The following AGBL1 variants were observed in gnomAD, a reference collection of about 807,000 sequenced individuals.
The protein encoded by AGBL1 is cytosolic carboxypeptidase 4.
A neutral mutation model predicts 118.9 loss-of-function variants in AGBL1; 130 were observed. The ratio of observed to expected loss-of-function variants is 1.09; its 90% CI spans 0.95 to 1.26. The LOEUF (loss-of-function observed/expected upper bound fraction) is 1.26, where lower values mean the gene tolerates loss of function less well. Among genes scored for constraint, AGBL1 ranks in the 50% most tolerant of loss-of-function variants. The pLI, the probability that AGBL1 is intolerant of heterozygous loss-of-function variation, is 0.00. For synonymous variants in AGBL1, 555 were observed against 478.9 expected (o/e 1.16, Z -2.08); for missense variants, 1,584 against 1,298.1 (o/e 1.22, Z -3.38).
At chr15:86,585,594 G>C (rs774146070) in intron 21 of AGBL1, among the ~76,000 whole-genome samples, 1 of 152,048 alleles carries the variant, frequency 6.6e-6, no homozygotes, top group Admixed American at 6.6e-5. Flanking sequence ...TTGAACTCCT[G>C]TTCTCAGGCA....
intron 1 of AGBL1, among the ~76,000 whole-genome samples, chr15:86,106,126 C>G (rs1897037597): frequency 6.6e-6 from 1 of 152,202 alleles, no homozygotes; most frequent in Non-Finnish European, 1.5e-5. Flanking sequence ...GGCAACCTCT[C>G]TGGTATGATA....
chr15:86,994,649 T>A (rs1241895528), intron 24 of AGBL1, among the ~76,000 whole-genome samples: 1 of 152,150 alleles, frequency 6.6e-6, no homozygotes, highest in Non-Finnish European at 1.5e-5. Context: ...GCTTGAAGAA[T>A]TCAGTGAGGT....
intron 18 of AGBL1, among the ~76,000 whole-genome samples, chr15:86,512,355 G>T (rs59422900): frequency 0.064 from 9,724 of 151,890 alleles, 1,106 homozygotes; most frequent in African/African-American, 0.22. Context: ...ATAAGAATTT[G>T]TCTATACCTC....
chr15:86,414,840 G>A (rs2081668051), intron 18 of AGBL1, among the ~76,000 whole-genome samples: 1 of 152,116 alleles, frequency 6.6e-6, no homozygotes, highest in Admixed American at 6.6e-5. Flanking sequence ...CATTAGCATC[G>A]TGGCTAAGAA....
intron 24 of AGBL1, among the ~76,000 whole-genome samples, chr15:87,025,384 C>T (rs537959603): frequency 7.9e-5 from 12 of 151,282 alleles, no homozygotes; most frequent in Non-Finnish European, 1.6e-4. Context: ...TTTAAAATAG[C>T]TGCAAAACAA....
At position 86,929,254 on chromosome 15, in the gene AGBL1, G is replaced by T. The variant is rs1322677866; in HGVS notation, c.3222-58733G>T. Among the ~76,000 whole-genome samples the T allele has an allele frequency of 5.9e-5, 9 of 152,246 alleles. No homozygotes were observed. In the East Asian group the frequency reaches 1.7e-3, roughly 29 times the overall value. ...GTAAATAGCAATAGTAGTGACATCT[G>T]GTCTGGCTTTTTTAAATGGGGAAAG... On this transcript the variant is annotated intron_variant, in intron 23 of 24. Transcript: ENST00000441037.
At chr15:86,726,477 T>C (rs1304331647) in intron 22 of AGBL1, among the ~76,000 whole-genome samples, 1 of 152,130 alleles carries the variant, frequency 6.6e-6, no homozygotes, top group Middle Eastern at 3.2e-3. Flanking sequence ...TTGTAACCAA[T>C]AGATGAAGGT....
intron 18 of AGBL1, among the ~76,000 whole-genome samples, chr15:86,411,102 A>G (rs934719851): frequency 6.6e-6 from 1 of 150,824 alleles, no homozygotes; most frequent in Non-Finnish European, 1.5e-5. Context: ...ATGCTTACTC[A>G]TCAAATAGAT....
intron 1 of AGBL1, among the ~76,000 whole-genome samples, chr15:86,126,988 T>A (rs918660459): frequency 6.6e-6 from 1 of 152,298 alleles, no homozygotes; most frequent in East Asian, 1.9e-4. Flanking sequence ...GCTCATGATA[T>A]GGCTTAAATA....
rs1472301313 is a variant in AGBL1, at chr15:86,143,754, G to A, written c.171G>A (p.Leu57=). The A allele has an allele frequency of 8.1e-6, 13 of 1,613,904 alleles. No homozygotes were observed. Among genetic ancestry groups the A allele is most frequent in the Non-Finnish European group, 1.1e-5 (13 of 1,179,812 alleles). Residue 57 remains leucine (L), a synonymous_variant, in exon 3 of 23, where the codon CTG becomes CTA. Transcript: ENST00000614907. ...MISKGGSEAL[L]QTLVDTARTA... is the part of the protein sequence containing the mutation. ...GCAAGGGTGGCAGTGAAGCTCTTCT[G>A]CAGACCCTGGTAGACACAGCGAGGA...
intron 5 of AGBL1, among the ~76,000 whole-genome samples, chr15:86,216,717 TA>T (rs562622399): frequency 1.8e-4 from 27 of 152,080 alleles, no homozygotes; most frequent in African/African-American, 4.1e-4. Flanking sequence ...CCTAGTCCTT[TA>T]AAAAAAATGT....
At chr15:86,975,921 C>G (rs1012485511) in intron 23 of AGBL1, among the ~76,000 whole-genome samples, 1 of 73,452 alleles carries the variant, frequency 1.4e-5, no homozygotes, top group Non-Finnish European at 3.0e-5. Flanking sequence ...GCTGCAAGCC[C>G]CATGACAGCA....
At position 86,912,248 on chromosome 15, in the gene AGBL1, AG is replaced by A. The variant is rs1368423712; in HGVS notation, c.*4956del. On this transcript the variant is annotated 3_prime_UTR_variant, in exon 23 of 23. Coordinates refer to ENST00000614907, the MANE Select transcript of AGBL1 (RefSeq NM_001386094.1). ...TTGCCATGGAAGAGTTCCCAGTGCG[AG>A]GCGAGCTTAACAAGGGGCAGGGTGT... The A allele has an allele frequency of 2.6e-5, 4 of 152,136 alleles. No homozygotes were observed. Among genetic ancestry groups the A allele is most frequent in the African/African-American group, 9.7e-5 (4 of 41,426 alleles). 9.4% of individuals were successfully genotyped at this position (152,136 alleles called of 1,614,324 possible).
At chr15:86,436,824 T>A (rs905331701) in intron 18 of AGBL1, among the ~76,000 whole-genome samples, 2 of 152,184 alleles carry the variant, frequency 1.3e-5, no homozygotes, top group African/African-American at 2.4e-5. Flanking sequence ...TTTTAGAGAG[T>A]GCCTAAGGAA....
At chr15:86,829,201 G>A (rs2079072330) in intron 22 of AGBL1, among the ~76,000 whole-genome samples, 2 of 152,070 alleles carry the variant, frequency 1.3e-5, no homozygotes, top group South Asian at 4.1e-4. Flanking sequence ...TTAAGGATAA[G>A]TTGTTAGAAT....
At chr15:86,455,426 A>AAAT (rs2082247521) in intron 18 of AGBL1, among the ~76,000 whole-genome samples, 1 of 152,136 alleles carries the variant, frequency 6.6e-6, no homozygotes, top group African/African-American at 2.4e-5. Context: ...CATTAAATTA[A>AAAT]AATTCAATTT....
intron 22 of AGBL1, among the ~76,000 whole-genome samples, chr15:86,811,199 A>G (rs186865039): frequency 5.3e-5 from 8 of 152,326 alleles, no homozygotes; most frequent in African/African-American, 1.2e-4. Context: ...GTCATTTACA[A>G]TAGGCCAAGG....
chr15:86,762,915 C>T (rs2078046662), intron 22 of AGBL1, among the ~76,000 whole-genome samples: 1 of 151,920 alleles, frequency 6.6e-6, no homozygotes, highest in Non-Finnish European at 1.5e-5. Context: ...GAAAATATTG[C>T]TTTGCCTCGG....
At chr15:86,403,166 G>A (rs1567238750) in intron 18 of AGBL1, among the ~76,000 whole-genome samples, 2 of 152,124 alleles carry the variant, frequency 1.3e-5, no homozygotes, top group Admixed American at 6.5e-5. Context: ...ACGGGGTGAG[G>A]GAGAGGATAA....
Sources: allele counts gnomAD v4.1 joint callset (sites outside exome capture counted in the v4.1 genomes callset), GRCh38; gene constraint gnomAD v4.1.1; transcripts MANE v1.5; gene names NCBI Gene and HGNC (gene_info 2026-07-23, HGNC 2026-07-21).